The following PLCXD3 variants were observed in gnomAD, a reference collection of about 807,000 sequenced individuals.
PLCXD3 encodes PI-PLC X domain-containing protein 3.
A neutral mutation model predicts 25.5 loss-of-function variants in PLCXD3; 19 were observed. That is an observed-to-expected ratio of 0.75 (90% confidence interval 0.52 to 1.09). The LOEUF (loss-of-function observed/expected upper bound fraction) is 1.09. PLCXD3 is among the 50% of genes least tolerant of loss of function. PLCXD3 has a pLI of 0.00. For synonymous variants in PLCXD3, 174 were observed against 137.6 expected (o/e 1.26, Z -1.85); for missense variants, 411 against 388.1 (o/e 1.06, Z -0.50).
At position 41,481,730 on chromosome 5, in the gene PLCXD3, A is replaced by C. The variant is rs147805483; in HGVS notation, c.103+28694T>G. 9.6e-4 allele frequency among the ~76,000 whole-genome samples: 147 copies of C among 152,356 alleles called. 5 individuals carry two copies. Among genetic ancestry groups the C allele is most frequent in the African/African-American group, 3.4e-3 (143 of 41,590 alleles). ...AAAGGAACTGAGCTGTGTCTGGAGC[A>C]AGGTCAAAAGAAGGGAGAGAAGCTT... On this transcript the variant is annotated intron_variant, in intron 1 of 2. Transcript: ENST00000377801.
intron 2 of PLCXD3, among the ~76,000 whole-genome samples, chr5:41,315,083 T>C (rs903101069): frequency 6.6e-5 from 10 of 152,134 alleles, no homozygotes; most frequent in African/African-American, 2.4e-4. Flanking sequence ...GACAGAATCA[T>C]GGTGTGTGCT....
At chr5:41,330,617 C>T (rs181901053) in intron 2 of PLCXD3, among the ~76,000 whole-genome samples, 249 of 152,230 alleles carry the variant, frequency 1.6e-3, no homozygotes, top group African/African-American at 5.7e-3. Flanking sequence ...CATCCTGATA[C>T]CAAAGCTGGG....
At chr5:41,390,219 C>T (rs1037290210) in intron 1 of PLCXD3, among the ~76,000 whole-genome samples, 1 of 152,054 alleles carries the variant, frequency 6.6e-6, no homozygotes, top group Non-Finnish European at 1.5e-5. Context: ...CATATTCCAA[C>T]AGTATTCCAT....
chr5:41,437,911 T>C (rs1747293073), intron 1 of PLCXD3, among the ~76,000 whole-genome samples: 1 of 152,200 alleles, frequency 6.6e-6, no homozygotes, highest in South Asian at 2.1e-4. Flanking sequence ...TGCTAGCTAT[T>C]GACCAAAATC....
chr5:41,489,665 C>T lies in PLCXD3; in HGVS notation c.103+20759G>A, dbSNP rs543624818. 2.3e-4 allele frequency among the ~76,000 whole-genome samples: 35 copies of T among 151,988 alleles called. 1 individual carries two copies. Among genetic ancestry groups the T allele is most frequent in the Middle Eastern group, 6.8e-3 (2 of 294 alleles). ...CTTCACATCCCTTGTAAGTTGGATT[C>T]CTAGGTATTTTATTCTCTTTGAAGC... On this transcript the variant is annotated intron_variant, in intron 1 of 2. Transcript: ENST00000377801.
intron 1 of PLCXD3, among the ~76,000 whole-genome samples, chr5:41,405,807 T>C (rs1010329088): frequency 2.6e-5 from 4 of 152,218 alleles, no homozygotes; most frequent in Admixed American, 2.6e-4. Context: ...ACCATTTCCA[T>C]TCAAATTCTC....
intron 1 of PLCXD3, among the ~76,000 whole-genome samples, chr5:41,485,094 C>A (rs771762307): frequency 2.4e-4 from 36 of 152,124 alleles, no homozygotes; most frequent in Non-Finnish European, 4.7e-4. Context: ...AGGTGTTAAG[C>A]ATTGTCCTAA....
At chr5:41,414,905 T>TTAATAAGA (rs1208482044) in intron 1 of PLCXD3, among the ~76,000 whole-genome samples, 1 of 152,232 alleles carries the variant, frequency 6.6e-6, no homozygotes, top group Non-Finnish European at 1.5e-5. Flanking sequence ...AAATAACTCT[T>TTAATAAGA]ATTTTATGCG....
At chr5:41,317,296 C>T (rs1259481276) in intron 2 of PLCXD3, among the ~76,000 whole-genome samples, 3 of 152,236 alleles carry the variant, frequency 2.0e-5, no homozygotes, top group African/African-American at 7.2e-5. Context: ...GGAATCACAG[C>T]ATTACTGGTC....
rs778686341 is a variant in PLCXD3 at position 41,308,579 on chromosome 5, CCAGAA to C, written c.*5033_*5037del. 1.3e-5 allele frequency: 2 copies of C among 151,980 alleles called. No homozygotes were observed. Among genetic ancestry groups the C allele is most frequent in the Non-Finnish European group, 2.9e-5 (2 of 67,990 alleles). The allele number at this position is 151,980 out of a possible 1,614,324, so 9.4% of individuals were successfully genotyped here. ...AGACTAATTCTACACGTGGGGCAGA[CCAGAA>C]AAGTGTGTGGGTTGCATGCTTGTTT... On this transcript the variant is annotated 3_prime_UTR_variant, in exon 3 of 3. Coordinates refer to ENST00000377801, the MANE Select transcript of PLCXD3 (RefSeq NM_001005473.3).
At chr5:41,447,163 C>T (rs1348679155) in intron 1 of PLCXD3, among the ~76,000 whole-genome samples, 1 of 152,110 alleles carries the variant, frequency 6.6e-6, no homozygotes, top group Non-Finnish European at 1.5e-5. Context: ...TATCCAGTTC[C>T]TGATTCATGT....
chr5:41,412,911 G>C (rs1746601037), intron 1 of PLCXD3, among the ~76,000 whole-genome samples: 1 of 152,102 alleles, frequency 6.6e-6, no homozygotes, highest in South Asian at 2.1e-4. Context: ...CTTCTGGTAG[G>C]AATTGTTTAG....
At chr5:41,503,423 C>T (rs1748994775) in intron 1 of PLCXD3, among the ~76,000 whole-genome samples, 1 of 152,002 alleles carries the variant, frequency 6.6e-6, no homozygotes, top group East Asian at 1.9e-4. Flanking sequence ...AAGAGCTGTC[C>T]ACTTCCAGGA....
chr5:41,441,727 A>G (rs1336206319), intron 1 of PLCXD3, among the ~76,000 whole-genome samples: 1 of 152,188 alleles, frequency 6.6e-6, no homozygotes, highest in Non-Finnish European at 1.5e-5. Flanking sequence ...CTTGGGGATA[A>G]ACTCAATTCT....
At chr5:41,319,916 A>G (rs898387829) in intron 2 of PLCXD3, among the ~76,000 whole-genome samples, 2 of 152,178 alleles carry the variant, frequency 1.3e-5, no homozygotes, top group African/African-American at 4.8e-5. Flanking sequence ...CAGAAATGGA[A>G]AAGAGACATT....
rs550989039 is a variant in PLCXD3, at chr5:41,334,657, G to T, written c.813-20887C>A. ...CAAATCAAAGCAAAATATGCCATCCGTTTCCTTTGATAATGGCAACAGCAG... is the reference window on the plus strand; with the variant it reads ...CAAATCAAAGCAAAATATGCCATCCTTTTCCTTTGATAATGGCAACAGCAG... On this transcript the variant is annotated intron_variant, in intron 2 of 2. Transcript: ENST00000377801. 2.0e-5 allele frequency among the ~76,000 whole-genome samples: 3 copies of T among 152,216 alleles called. No individual in the cohort carries two copies. The South Asian group carries it at 6.2e-4, about 32-fold the overall frequency.
intron 2 of PLCXD3, among the ~76,000 whole-genome samples, chr5:41,314,117 G>A (rs1293523543): frequency 2.6e-5 from 4 of 152,212 alleles, no homozygotes; most frequent in African/African-American, 7.2e-5. Flanking sequence ...ACGGATTGGG[G>A]AGGTCAGAGA....
At chr5:41,504,854 A>G (rs1749022727) in intron 1 of PLCXD3, among the ~76,000 whole-genome samples, 1 of 152,190 alleles carries the variant, frequency 6.6e-6, no homozygotes. Context: ...AGATTTTTAG[A>G]ACTATTTGGA....
chr5:41,360,373 CT>C (rs1744737977), intron 2 of PLCXD3, among the ~76,000 whole-genome samples: 1 of 152,076 alleles, frequency 6.6e-6, no homozygotes, highest in Admixed American at 6.6e-5. Flanking sequence ...GAGATTTCAT[CT>C]TGGTTTGGAT....
Sources: gnomAD v4.1 joint callset for allele counts (sites outside exome capture counted in the v4.1 genomes callset) on GRCh38, gnomAD v4.1.1 for gene constraint, MANE v1.5 for transcripts, NCBI Gene and HGNC (gene_info 2026-07-23, HGNC 2026-07-21) for gene names.